The following ANGPTL4 variants were observed in gnomAD, a reference collection of about 807,000 sequenced individuals.
The protein encoded by ANGPTL4 is angiopoietin-related protein 4.
Under a neutral mutation model 39.2 loss-of-function variants are expected in ANGPTL4, and 39 were observed. The ratio of observed to expected loss-of-function variants is 1.00; its 90% CI spans 0.77 to 1.30. The LOEUF is 1.30. Among genes scored for constraint, ANGPTL4 ranks in the 50% most tolerant of loss-of-function variants. The probability of loss-of-function intolerance (pLI) is 0.00; values close to 1 mark genes in which losing one functional copy is unlikely to be tolerated. For missense variants in ANGPTL4, 545 were observed against 549.8 expected, an observed-to-expected ratio of 0.99 and a Z score of 0.09; for synonymous variants, 233 against 229.5, an observed-to-expected ratio of 1.02 and a Z score of -0.14.
Position 8,369,350 on chromosome 19 carries a change from A to C in ANGPTL4, c.661+18A>C, listed in dbSNP as rs1345714823. 6.3e-7 allele frequency: 1 copy of C among 1,592,236 alleles called. No homozygotes were observed. Among genetic ancestry groups the C allele is most frequent in the Non-Finnish European group, 8.6e-7 (1 of 1,165,726 alleles). On this transcript the variant is annotated intron_variant, in intron 4 of 6. Coordinates refer to ENST00000301455, the MANE Select transcript of ANGPTL4 (RefSeq NM_139314.3). ...GACCTCAGGTAGGGTGTGTTAGTCC[A>C]CCAGGGGCCCCTCTCCCCATAGGCC...
chr19:8,373,974 G>GAAC lies in ANGPTL4; in HGVS notation c.*88_*89insAAC. 2.0e-6 allele frequency: 3 copies of GAAC among 1,484,058 alleles called. No individual in the cohort carries two copies. Among genetic ancestry groups the GAAC allele is most frequent in the Non-Finnish European group, 2.8e-6 (3 of 1,075,142 alleles). 91.9% of individuals were successfully genotyped at this position (1,484,058 alleles called of 1,614,324 possible). On this transcript the variant is annotated 3_prime_UTR_variant, in exon 7 of 7. Transcript: ENST00000301455. ...TGTGGCCGTTCCCTGCCTGGGCAGGGGCTCCAAGGAGGGGCCATCTGGAAA... is the reference window on the plus strand; with the variant it reads ...TGTGGCCGTTCCCTGCCTGGGCAGGGAACGCTCCAAGGAGGGGCCATCTGGAAA...
rs542705154 is a variant in ANGPTL4, at chr19:8,374,106, C to T, written c.*220C>T. 1.7e-6 allele frequency: 1 copy of T among 572,968 alleles called. No individual in the cohort carries two copies. Among genetic ancestry groups the T allele is most frequent in the African/African-American group, 1.9e-5 (1 of 53,184 alleles). The allele number at this position is 572,968 out of a possible 1,614,324, so 35.5% of individuals were successfully genotyped here. On this transcript the variant is annotated 3_prime_UTR_variant, in exon 7 of 7. Coordinates refer to ENST00000301455, the MANE Select transcript of ANGPTL4 (RefSeq NM_139314.3). ...CGAGGCTGCAGGATATGCTCAGACTCTAGAGGCGTGGACCAAGGGGCATGG... is the reference window on the plus strand; with the variant it reads ...CGAGGCTGCAGGATATGCTCAGACTTTAGAGGCGTGGACCAAGGGGCATGG...
rs1256324682 is a variant in ANGPTL4, at chr19:8,364,202, C to G, written c.-120C>G. On this transcript the variant is annotated 5_prime_UTR_variant, in exon 1 of 7. Coordinates refer to ENST00000301455, the MANE Select transcript of ANGPTL4 (RefSeq NM_139314.3). The stretch of plus-strand genomic sequence containing the variant: ...TCACACGACTGTGATCCGATTCTTT[C>G]CAGCGGCTTCTGCAACCAAGCGGGT... The G allele has an allele frequency of 1.9e-6, 2 of 1,047,548 alleles. No individual in the cohort carries two copies. Among genetic ancestry groups the G allele is most frequent in the Non-Finnish European group, 2.7e-6 (2 of 734,672 alleles). The allele number at this position is 1,047,548 out of a possible 1,614,324, so 64.9% of individuals were successfully genotyped here.
intron 1 of ANGPTL4, among the ~76,000 whole-genome samples, chr19:8,365,164 T>G (rs1295368331): frequency 7.6e-6 from 1 of 132,062 alleles, no homozygotes; most frequent in Admixed American, 7.7e-5. Flanking sequence ...GTGAGACTCC[T>G]CAAAAAAATA....
Position 8,371,614 on chromosome 19 carries a change from G to A in ANGPTL4, c.1039+92G>A, listed in dbSNP as rs376387254. The A allele has an allele frequency of 7.8e-6, 12 of 1,547,902 alleles. No individual in the cohort carries two copies. In the East Asian group the frequency reaches 1.4e-4, roughly 18 times the overall value. On this transcript the variant is annotated intron_variant, in intron 6 of 6. Coordinates refer to ENST00000301455, the MANE Select transcript of ANGPTL4 (RefSeq NM_139314.3). The surrounding 1 kb of genome is among the most constrained non-coding windows in gnomAD (Gnocchi z 5.1). ...CTGCCTTCAACCCCACATTGCATCT[G>A]TTTCCTGCCCCCACCTCTTCCTTAC...
intron 3 of ANGPTL4, among the ~76,000 whole-genome samples, chr19:8,368,719 G>A (rs537894715): frequency 6.6e-6 from 1 of 152,340 alleles, no homozygotes; most frequent in Admixed American, 6.5e-5. Context: ...CTAGTCGGGC[G>A]TGGTGGCACA....
At chr19:8,369,561 C>A (rs923222907) in intron 4 of ANGPTL4, among the ~76,000 whole-genome samples, 1 of 144,836 alleles carries the variant, frequency 6.9e-6, no homozygotes, top group East Asian at 2.1e-4. Context: ...TCAAGCAATT[C>A]TCCAGCGTCA....
intron 1 of ANGPTL4, among the ~76,000 whole-genome samples, chr19:8,365,000 C>T (rs2145468441): frequency 6.6e-6 from 1 of 152,278 alleles, no homozygotes; most frequent in African/African-American, 2.4e-5. Flanking sequence ...GAAACCTCGT[C>T]TCTACTAAAA....
Position 8,371,464 on chromosome 19 carries a change from C to T in ANGPTL4, c.981C>T (p.Ser327=). 1.2e-6 allele frequency: 2 copies of T among 1,613,314 alleles called. No individual in the cohort carries two copies. The highest frequency in any genetic ancestry group is 1.1e-5 in the South Asian group (1 of 91,084). The part of the protein sequence containing the change: ...VPPSGLSVPF[S]TWDQDHDLRR... ...CCAGCGGCCTCTCCGTACCCTTCTC[C>T]ACTTGGGACCAGGATCACGACCTCC... Residue 327 remains serine (S), a synonymous_variant, in exon 6 of 7, where the codon TCC becomes TCT. Transcript: ENST00000301455. The surrounding 1 kb of genome is among the most constrained non-coding windows in gnomAD (Gnocchi z 5.1).
At position 8,369,178 on chromosome 19, in the gene ANGPTL4, G is replaced by A. The variant is rs77439987; in HGVS notation, c.548-41G>A. ...CTGGCTCCTGAGACCCCCCCCAGGG[G>A]CTGCCCTCCTGTTTCAAGTCTCCAC... On this transcript the variant is annotated intron_variant, in intron 3 of 6. Coordinates refer to ENST00000301455, the MANE Select transcript of ANGPTL4 (RefSeq NM_139314.3). The A allele has an allele frequency of 4.4e-3, 6,896 of 1,553,372 alleles. 194 individuals carry two copies. In the African/African-American group the frequency reaches 0.063, roughly 14 times the overall value.
At position 8,371,757 on chromosome 19, in the gene ANGPTL4, TTATG is replaced by T. The variant is rs1033590387; in HGVS notation, c.1039+239_1039+242del. On this transcript the variant is annotated intron_variant, in intron 6 of 6. Coordinates refer to ENST00000301455, the MANE Select transcript of ANGPTL4 (RefSeq NM_139314.3). This position sits in a 1 kb window ranked among gnomAD's most constrained non-coding sequence, Gnocchi z 5.1. ...CTTATGTGTTTGTTTATTTATTTAT[TTATG>T]TATTTATTTTTTGAGACGGAGTCTC... is the stretch of plus-strand genomic sequence containing the variant. Among the ~76,000 whole-genome samples the T allele has an allele frequency of 8.6e-5, 13 of 151,212 alleles. No homozygotes were observed. The highest frequency in any genetic ancestry group is 1.9e-4 in the East Asian group (1 of 5,202).
In ANGPTL4 at chr19:8,371,208, C is replaced by A; in HGVS notation, c.758-33C>A. ...GAGGAAGAGGGACCCTCAGAAGTGG[C>A]CCTGCCTCATGGAGTGGCCTCTCCC... On this transcript the variant is annotated intron_variant, in intron 5 of 6. Coordinates refer to ENST00000301455, the MANE Select transcript of ANGPTL4 (RefSeq NM_139314.3). This position sits in a 1 kb window ranked among gnomAD's most constrained non-coding sequence, Gnocchi z 5.1. The A allele has an allele frequency of 6.2e-7, 1 of 1,614,114 alleles. No homozygotes were observed.
intron 1 of ANGPTL4, among the ~76,000 whole-genome samples, chr19:8,364,930 C>T (rs563801019): frequency 6.6e-6 from 1 of 152,038 alleles, no homozygotes; most frequent in South Asian, 2.1e-4. Context: ...TAAAAAACGA[C>T]CGGGCGCAGT....
intron 4 of ANGPTL4, 123 bp downstream of exon 4, chr19:8,369,455 CTTTT>C (rs569969146): frequency 0.012 from 3,764 of 319,448 alleles, no homozygotes; most frequent in Middle Eastern, 0.022. Context: ...CCAAGCTGGT[CTTTT>C]TTTTTTTTTT....
Position 8,364,389 on chromosome 19 carries a change from C to T in ANGPTL4, c.68C>T (p.Ala23Val). 1 of 1,546,258 alleles carries T rather than the reference C, an allele frequency of 6.5e-7. No homozygotes were observed. The highest frequency in any genetic ancestry group is 8.7e-7 in the Non-Finnish European group (1 of 1,149,362). Reference protein sequence around the residue: ...LCAATAVLLSAQGGPVQSKSP... With the variant: ...LCAATAVLLSVQGGPVQSKSP... ...GCCGCCACCGCCGTGCTACTGAGCG[C>T]TCAGGGCGGACCCGTGCAGTCCAAG... Residue 23 changes from alanine to valine, a missense_variant, in exon 1 of 7, where the codon GCT becomes GTT. Physicochemically the swap from Ala to Val is moderately conservative, Grantham distance 64. Coordinates refer to ENST00000301455, the MANE Select transcript of ANGPTL4 (RefSeq NM_139314.3).
chr19:8,365,895 G>C (rs1970992001), intron 1 of ANGPTL4, 59 bp from the exon 2 acceptor site: 1 of 1,237,182 alleles, frequency 8.1e-7, no homozygotes, highest in Non-Finnish European at 1.2e-6. Context: ...ATGAGTGGAT[G>C]AATTAAGAGG....
At chr19:8,372,456 C>G (rs1280060493) in intron 6 of ANGPTL4, among the ~76,000 whole-genome samples, 1 of 127,628 alleles carries the variant, frequency 7.8e-6, no homozygotes, top group African/African-American at 3.0e-5. Context: ...TGCAGTGGTG[C>G]GATCTCGGCT....
chr19:8,369,454 T>A, intron 4 of ANGPTL4, 122 bp downstream of exon 4: 1 of 492,930 alleles, frequency 2.0e-6, no homozygotes, highest in Non-Finnish European at 3.3e-6. Context: ...CCCAAGCTGG[T>A]CTTTTTTTTT....
At chr19:8,370,027 A>AC (rs1971083340) in intron 4 of ANGPTL4, among the ~76,000 whole-genome samples, 1 of 151,006 alleles carries the variant, frequency 6.6e-6, no homozygotes, top group African/African-American at 2.4e-5. Context: ...ACATGGTGAA[A>AC]CCCCGTCTCT....
Sources: allele counts gnomAD v4.1 joint callset (sites outside exome capture counted in the v4.1 genomes callset), GRCh38; gene constraint gnomAD v4.1.1; non-coding constraint Gnocchi (gnomAD v3.1); transcripts MANE v1.5; gene names NCBI Gene and HGNC (gene_info 2026-07-23, HGNC 2026-07-21).